CSNK1G2: variants seen among roughly 807,000 people sequenced by gnomAD.
CSNK1G2 encodes the protein casein kinase 1 gamma 2, also known as casein kinase I isoform gamma-2.
Under a neutral mutation model 48.0 loss-of-function variants are expected in CSNK1G2, and 11 were observed. The observed-to-expected ratio is 0.23, with a 90% CI of 0.14 to 0.38. The LOEUF is 0.38. CSNK1G2 is among the 10% of genes least tolerant of loss of function. The pLI, the probability that CSNK1G2 is intolerant of heterozygous loss-of-function variation, is 1.00. For synonymous variants in CSNK1G2, 337 were observed against 254.1 expected (o/e 1.33, Z -3.10); for missense variants, 446 against 595.5 (o/e 0.75, Z 2.61).
intron 1 of CSNK1G2, among the ~76,000 whole-genome samples, chr19:1,969,266 C>T (rs1276366853): frequency 1.0e-5 from 1 of 98,930 alleles, no homozygotes; most frequent in East Asian, 3.4e-4. Context: ...TACAGAAAGC[C>T]CCCTGAGCCC....
chr19:1,943,481 C>T (rs2014441809), intron 1 of CSNK1G2, among the ~76,000 whole-genome samples: 1 of 152,278 alleles, frequency 6.6e-6, no homozygotes, highest in South Asian at 2.1e-4. Flanking sequence ...AGTAATTACT[C>T]TGGGCTACAA....
At chr19:1,961,846 T>C (rs2015209384) in intron 1 of CSNK1G2, among the ~76,000 whole-genome samples, 1 of 152,212 alleles carries the variant, frequency 6.6e-6, no homozygotes, top group African/African-American at 2.4e-5. Flanking sequence ...AGAAATCCGC[T>C]GGCCGCTAAG....
Position 1,957,021 on chromosome 19 carries a change from CTGG to C in CSNK1G2, c.-265-12480_-265-12478del, listed in dbSNP as rs1219854623. 3.3e-5 allele frequency among the ~76,000 whole-genome samples: 5 copies of C among 152,296 alleles called. No homozygotes were observed. The East Asian group carries it at 7.7e-4, about 23-fold the overall frequency. On this transcript the variant is annotated intron_variant, in intron 1 of 11. Transcript: ENST00000255641. The surrounding 1 kb of genome is among the most constrained non-coding windows in gnomAD (Gnocchi z 5.4). ...AGGAGGGGATTCTGCAGAGGGAAGG[CTGG>C]TGGTGGCGCCCCCCTTCGACGGTCG...
chr19:1,972,323 C>A (rs956165137), intron 2 of CSNK1G2, among the ~76,000 whole-genome samples: 1 of 152,218 alleles, frequency 6.6e-6, no homozygotes, highest in African/African-American at 2.4e-5. Flanking sequence ...GAGCACTCCA[C>A]GTCCCCAGCA....
intron 1 of CSNK1G2, among the ~76,000 whole-genome samples, chr19:1,942,208 G>A (rs1244333694): frequency 6.6e-6 from 1 of 152,292 alleles, no homozygotes; most frequent in Middle Eastern, 3.4e-3. Flanking sequence ...GGGAGGGTGA[G>A]ATGTCTGAGC....
intron 1 of CSNK1G2, among the ~76,000 whole-genome samples, chr19:1,945,055 C>T (rs1292427663): frequency 6.6e-6 from 1 of 152,262 alleles, no homozygotes; most frequent in Non-Finnish European, 1.5e-5. Context: ...ATTGCCCATG[C>T]TGTCCCCCAG....
rs1292623787 is a variant in CSNK1G2 at position 1,979,390 on chromosome 19, C to T, written c.840C>T (p.Cys280=). The change falls in exon 8 of 12, where the codon TGC becomes TGT. Residue 280 remains cysteine (C), a synonymous_variant. Transcript: ENST00000255641. ...GCGCCACGCCCATCGAGGTGCTCTG[C>T]GAGAACTTCCCAGGTAAGGGGTCCC... ...TKRATPIEVL[C]ENFPEEMATY... is the part of the protein sequence containing the mutation. 6.3e-6 allele frequency: 10 copies of T among 1,591,298 alleles called. No individual in the cohort carries two copies. The highest frequency in any genetic ancestry group is 1.1e-5 in the South Asian group (1 of 87,428).
At chr19:1,966,019 G>A (rs1360870585) in intron 1 of CSNK1G2, among the ~76,000 whole-genome samples, 1 of 152,110 alleles carries the variant, frequency 6.6e-6, no homozygotes, top group African/African-American at 2.4e-5. Context: ...GGCTGGTCTT[G>A]AACTCCCGGC....
At chr19:1,976,966 C>T (rs1449318997) in intron 2 of CSNK1G2, among the ~76,000 whole-genome samples, 1 of 152,114 alleles carries the variant, frequency 6.6e-6, no homozygotes, top group Non-Finnish European at 1.5e-5. Context: ...CTCGAACTCC[C>T]GACCTCAGGT....
At chr19:1,953,938 G>C (rs370330758) in intron 1 of CSNK1G2, 40 of 533,764 alleles carry the variant, frequency 7.5e-5, no homozygotes, top group Middle Eastern at 6.3e-4. Context: ...CAGTCGGCGC[G>C]GTGAGGTTGG....
chr19:1,963,847 C>A (rs374797382), intron 1 of CSNK1G2, among the ~76,000 whole-genome samples: 1 of 143,390 alleles, frequency 7.0e-6, no homozygotes, highest in Non-Finnish European at 1.5e-5. Flanking sequence ...GACAGAATCT[C>A]GCTCTGTCGC....
rs1314513132 is a variant in CSNK1G2, at chr19:1,946,863, G to T, written c.-266+5445G>T. 2.0e-5 allele frequency among the ~76,000 whole-genome samples: 3 copies of T among 151,786 alleles called. No individual in the cohort carries two copies. The East Asian group carries it at 5.8e-4, about 29-fold the overall frequency. On this transcript the variant is annotated intron_variant, in intron 1 of 11. Transcript: ENST00000255641. ...CCTGACCTTGTGATCTGCCCGCCTC[G>T]GCCTCTCAAAGTGCTGGGATTACAG...
At chr19:1,971,742 T>C (rs1391133819) in intron 2 of CSNK1G2, among the ~76,000 whole-genome samples, 1 of 149,184 alleles carries the variant, frequency 6.7e-6, no homozygotes, top group African/African-American at 2.5e-5. Context: ...TGTAGGCAGA[T>C]GAGAGTGACG....
intron 1 of CSNK1G2, chr19:1,952,925 G>A (rs1456091789): frequency 2.2e-6 from 1 of 450,010 alleles, no homozygotes; most frequent in Non-Finnish European, 4.3e-6. Context: ...TTCGAGTGGA[G>A]GGAAACCGGG....
At chr19:1,951,834 C>CCT (rs2014774383) in intron 1 of CSNK1G2, among the ~76,000 whole-genome samples, 2 of 151,438 alleles carry the variant, frequency 1.3e-5, no homozygotes, top group Admixed American at 6.6e-5. Context: ...GCGCCCGCCA[C>CCT]CACAGCTGGC....
intron 11 of CSNK1G2, 26 bp from the exon 12 acceptor site, chr19:1,980,123 C>A (rs747640737): frequency 6.2e-7 from 1 of 1,612,634 alleles, no homozygotes; most frequent in African/African-American, 1.3e-5. Flanking sequence ...CCCCGGTCCT[C>A]CTACCTGAGC....
intron 2 of CSNK1G2, chr19:1,975,629 G>A (rs572814651): frequency 3.2e-5 from 32 of 985,370 alleles, no homozygotes; most frequent in African/African-American, 3.0e-4. Context: ...TCCCACCTCC[G>A]AAGGGCAGCG....
chr19:1,975,498 AC>A (rs2015722259), intron 2 of CSNK1G2: 1 of 985,178 alleles, frequency 1.0e-6, no homozygotes, highest in African/African-American at 1.7e-5. Context: ...GGCAAACCAA[AC>A]CCCATCCTCC....
At chr19:1,951,809 C>T (rs8108519) in intron 1 of CSNK1G2, among the ~76,000 whole-genome samples, 3,528 of 126,324 alleles carry the variant, frequency 0.028, 220 homozygotes, top group African/African-American at 0.064. Flanking sequence ...GCCTCCCGAG[C>T]AGCTGGGACC....
Sources: gnomAD v4.1 joint callset for allele counts (sites outside exome capture counted in the v4.1 genomes callset) on GRCh38, gnomAD v4.1.1 for gene constraint, Gnocchi (gnomAD v3.1) non-coding constraint, MANE v1.5 for transcripts, NCBI Gene and HGNC (gene_info 2026-07-23, HGNC 2026-07-21) for gene names.